Variants in NCOA2 observed in about 807,000 individuals in gnomAD.
NCOA2 encodes nuclear receptor coactivator 2.
A neutral mutation model predicts 145.1 loss-of-function variants in NCOA2; 21 were observed. The ratio of observed to expected loss-of-function variants is 0.14; its 90% CI spans 0.10 to 0.21. The LOEUF (loss-of-function observed/expected upper bound fraction) is 0.21. Among genes scored for constraint, NCOA2 ranks in the 10% least tolerant of loss-of-function variants. NCOA2 has a pLI of 1.00. For synonymous variants in NCOA2, 619 were observed against 637.5 expected (o/e 0.97, Z 0.44); for missense variants, 1,472 against 1,837.6 (o/e 0.80, Z 3.64).
chr8:70,343,564 T>C (rs1190577963), intron 1 of NCOA2, among the ~76,000 whole-genome samples: 1 of 151,760 alleles, frequency 6.6e-6, no homozygotes, highest in Non-Finnish European at 1.5e-5. Flanking sequence ...TCCCAGCACT[T>C]TGGGAGGGAG....
the NCOA2 span, among the ~76,000 whole-genome samples, chr8:70,440,640 AAGAG>A: frequency 9.3e-5 from 14 of 151,338 alleles, no homozygotes; most frequent in Admixed American, 9.2e-4. Context: ...AGAAAGAAAG[AAGAG>A]AGAGAGAGAA....
At chr8:70,304,471 ATT>A (rs71558593) in intron 1 of NCOA2, among the ~76,000 whole-genome samples, 26 of 142,104 alleles carry the variant, frequency 1.8e-4, no homozygotes, top group Non-Finnish European at 2.2e-4. Flanking sequence ...CTATATGCAT[ATT>A]TTTTTTTTTT....
the NCOA2 span, among the ~76,000 whole-genome samples, chr8:70,455,539 C>T: frequency 2.0e-5 from 3 of 151,802 alleles, no homozygotes; most frequent in Non-Finnish European, 4.4e-5. Flanking sequence ...TGCCTTTTTA[C>T]TCTAAGTGTT....
chr8:70,365,087 T>C lies in NCOA2; in HGVS notation c.-77+38613A>G, dbSNP rs115335697. 7.6e-3 allele frequency among the ~76,000 whole-genome samples: 1,161 copies of C among 152,198 alleles called. 11 individuals are homozygous for C. Among genetic ancestry groups the C allele is most frequent in the African/African-American group, 0.026 (1,068 of 41,536 alleles). On this transcript the variant is annotated intron_variant, in intron 1 of 22. Transcript: ENST00000452400. Reference sequence around the variant, plus strand: ...GTAGCTCATGTGTGTAATCCCAATATTTTGGGAGGCCAAGGAGGGTGCATC... The same window carrying C: ...GTAGCTCATGTGTGTAATCCCAATACTTTGGGAGGCCAAGGAGGGTGCATC...
rs1457050396 is a variant in NCOA2 at position 70,156,912 on chromosome 8, T to C, written c.1453A>G (p.Met485Val). The change falls in exon 11 of 23, where the codon ATG becomes GTG. Residue 485 changes from methionine to valine, a missense_variant. Coordinates refer to ENST00000452400, the MANE Select transcript of NCOA2 (RefSeq NM_006540.4). ...PGMNPGQPTS[M>V]LSPRHRMSPG... ...CTCATGCGATGCCTTGGTGAAAGCA[T>C]GGAGGTGGGCTGTCCTGGATTCATG... is the stretch of plus-strand genomic sequence containing the variant. The C allele has an allele frequency of 1.9e-6, 3 of 1,613,974 alleles. No individual in the cohort carries two copies. Among genetic ancestry groups the C allele is most frequent in the Admixed American group, 1.7e-5 (1 of 60,020 alleles).
At chr8:70,441,486 G>A in the NCOA2 span, among the ~76,000 whole-genome samples, 3 of 143,500 alleles carry the variant, frequency 2.1e-5, no homozygotes, top group Non-Finnish European at 4.6e-5. Context: ...AACAAGCAAA[G>A]AAGGGAAAGA....
At chr8:70,216,601 G>GA in intron 3 of NCOA2, 59 bp downstream of exon 3, 1 of 1,335,396 alleles carries the variant, frequency 7.5e-7, no homozygotes, top group East Asian at 2.3e-5. Context: ...AAATAACAAA[G>GA]AAGCACTCAT....
At chr8:70,163,197 G>A (rs966369933) in intron 8 of NCOA2, among the ~76,000 whole-genome samples, 18 of 152,062 alleles carry the variant, frequency 1.2e-4, no homozygotes, top group Admixed American at 1.1e-3. Flanking sequence ...TTACAGGTGT[G>A]AGCCACCGTG....
chr8:70,366,051 A>G (rs1394120570), intron 1 of NCOA2, among the ~76,000 whole-genome samples: 1 of 152,196 alleles, frequency 6.6e-6, no homozygotes, highest in Non-Finnish European at 1.5e-5. Context: ...CTTTAAACAA[A>G]AGCTAACAAA....
chr8:70,248,896 G>A (rs1487152425), intron 2 of NCOA2, among the ~76,000 whole-genome samples: 1 of 151,452 alleles, frequency 6.6e-6, no homozygotes, highest in Non-Finnish European at 1.5e-5. Context: ...CACTGCTTAG[G>A]ATATTGTATG....
At chr8:70,368,626 T>C (rs1430946362) in intron 1 of NCOA2, among the ~76,000 whole-genome samples, 1 of 152,220 alleles carries the variant, frequency 6.6e-6, no homozygotes, top group Non-Finnish European at 1.5e-5. Context: ...GTTTAGACTG[T>C]TTATTAAAAC....
rs1299587804 is a variant in NCOA2, at chr8:70,216,690, C to T, written c.56G>A (p.Arg19His). The T allele has an allele frequency of 3.1e-6, 5 of 1,613,658 alleles. No individual in the cohort carries two copies. The highest frequency in any genetic ancestry group is 1.7e-5 in the Admixed American group (1 of 59,992). Residue 19 changes from arginine (R) to histidine (H), a missense_variant, in exon 3 of 23, where the codon CGC (arginine) becomes CAC (histidine). This residue lies in a region of NCOA2 where 284 missense variants were observed against 467.8 expected (regional missense o/e 0.61). Transcript: ENST00000452400. ...TCCAAGTTGGTCAGGACATTCCTTG[C>T]GCTTTCTTGTCTCTGCCCTGGAGGG... ...SDPSRAETRKRKECPDQLGPS... is the reference protein window; with the variant it reads ...SDPSRAETRKHKECPDQLGPS...
chr8:70,289,369 G>C (rs1023690776), intron 2 of NCOA2, among the ~76,000 whole-genome samples: 7 of 152,252 alleles, frequency 4.6e-5, no homozygotes, highest in African/African-American at 1.4e-4. Context: ...GTCTTTTATA[G>C]TCTAGGTAAA....
chr8:70,224,745 A>G (rs1191194720), intron 2 of NCOA2, among the ~76,000 whole-genome samples: 1 of 151,214 alleles, frequency 6.6e-6, no homozygotes, highest in Non-Finnish European at 1.5e-5. Flanking sequence ...TCAAACTCAC[A>G]CTTGATACGT....
At chr8:70,305,088 G>A (rs890978979) in intron 1 of NCOA2, among the ~76,000 whole-genome samples, 1 of 122,706 alleles carries the variant, frequency 8.1e-6, no homozygotes, top group Non-Finnish European at 1.7e-5. Context: ...GTTTTGCTAT[G>A]TCGCTCAGGC....
intron 1 of NCOA2, among the ~76,000 whole-genome samples, chr8:70,306,222 A>G (rs1389179048): frequency 6.6e-6 from 1 of 152,182 alleles, no homozygotes; most frequent in Non-Finnish European, 1.5e-5. Flanking sequence ...AGTTTCACAG[A>G]TGGAAATCTG....
intron 1 of NCOA2, among the ~76,000 whole-genome samples, chr8:70,307,220 C>CAAAAAAAATAAA (rs1827962552): frequency 1.4e-5 from 1 of 71,642 alleles, no homozygotes; most frequent in Non-Finnish European, 3.1e-5. Context: ...CCTACATAAG[C>CAAAAAAAATAAA]AAAAAAAAAA....
chr8:70,249,045 G>T (rs1439948715), intron 2 of NCOA2, among the ~76,000 whole-genome samples: 1 of 151,962 alleles, frequency 6.6e-6, no homozygotes, highest in Non-Finnish European at 1.5e-5. Flanking sequence ...ACATTTCCTA[G>T]GACTGTAAAT....
At chr8:70,251,976 A>G (rs974789841) in intron 2 of NCOA2, among the ~76,000 whole-genome samples, 1 of 152,202 alleles carries the variant, frequency 6.6e-6, no homozygotes, top group African/African-American at 2.4e-5. Context: ...CCTGATATAA[A>G]ATGATATTTG....
Sources: allele counts gnomAD v4.1 joint callset (sites outside exome capture counted in the v4.1 genomes callset), GRCh38; gene constraint gnomAD v4.1.1; regional missense constraint gnomAD v4.1.1; transcripts MANE v1.5; gene names NCBI Gene and HGNC (gene_info 2026-07-23, HGNC 2026-07-21).